NTN1: variants seen among roughly 807,000 people sequenced by gnomAD.
NTN1 encodes the protein netrin 1, also known as netrin-1.
Under a neutral mutation model 54.2 loss-of-function variants are expected in NTN1, and 11 were observed. The observed-to-expected ratio is 0.20, with a 90% confidence interval of 0.13 to 0.34. The LOEUF is 0.34. NTN1 is among the 10% of genes least tolerant of loss of function. The pLI is 1.00. For missense variants in NTN1, 740 were observed against 893.1 expected, an observed-to-expected ratio of 0.83 and a Z score of 2.18; for synonymous variants, 371 against 382.0, an observed-to-expected ratio of 0.97 and a Z score of 0.33.
chr17:9,239,570 C>A lies in NTN1; in HGVS notation c.1487-70C>A. Reference sequence around the variant, plus strand: ...GGGCTGGGTCTCCTTTCCCTTCTCCCCAGGCTCAGGCAGGGCGGACCTAGC... The same window carrying A: ...GGGCTGGGTCTCCTTTCCCTTCTCCACAGGCTCAGGCAGGGCGGACCTAGC... On this transcript the variant is annotated intron_variant, in intron 6 of 6. Coordinates refer to ENST00000173229, the MANE Select transcript of NTN1 (RefSeq NM_004822.3). The surrounding 1 kb of genome is among the most constrained non-coding windows in gnomAD (Gnocchi z 5.2). The A allele has an allele frequency of 6.7e-7, 1 of 1,499,880 alleles. No individual in the cohort carries two copies. The highest frequency in any genetic ancestry group is 1.2e-5 in the South Asian group (1 of 81,748). 92.9% of individuals were successfully genotyped at this position (1,499,880 alleles called of 1,614,324 possible).
At chr17:9,193,354 A>G (rs1486240282) in intron 5 of NTN1, among the ~76,000 whole-genome samples, 2 of 152,214 alleles carry the variant, frequency 1.3e-5, no homozygotes, top group African/African-American at 4.8e-5. Context: ...TTACATTCTC[A>G]TCACCCAGAC....
chr17:9,119,486 CTTATTTAT>C (rs71361861), intron 2 of NTN1, among the ~76,000 whole-genome samples: 9,819 of 149,784 alleles, frequency 0.066, 428 homozygotes, highest in Non-Finnish European at 0.097. Context: ...CCGTGCCTGG[CTTATTTAT>C]TTATTTATTT....
chr17:9,102,043 C>G (rs958208105), intron 2 of NTN1, among the ~76,000 whole-genome samples: 16 of 152,154 alleles, frequency 1.1e-4, no homozygotes, highest in African/African-American at 3.9e-4. Context: ...GTGCTCCACT[C>G]CATTAATCAT....
chr17:9,028,801 C>T (rs951176883), intron 2 of NTN1, among the ~76,000 whole-genome samples: 1 of 152,142 alleles, frequency 6.6e-6, no homozygotes, highest in Non-Finnish European at 1.5e-5. Flanking sequence ...GATTGTTACT[C>T]ATGTTATCTT....
intron 2 of NTN1, among the ~76,000 whole-genome samples, chr17:9,113,890 C>T (rs950184156): frequency 3.3e-5 from 5 of 151,792 alleles, no homozygotes; most frequent in Admixed American, 2.6e-4. Context: ...AGGCCAGGCG[C>T]GGTGGCTCAC....
intron 2 of NTN1, among the ~76,000 whole-genome samples, chr17:9,152,873 G>A (rs897817991): frequency 6.6e-6 from 1 of 152,186 alleles, no homozygotes; most frequent in Non-Finnish European, 1.5e-5. Context: ...CGCGGAGCCG[G>A]AGCTAGAGTC....
intron 6 of NTN1, among the ~76,000 whole-genome samples, chr17:9,228,115 C>T (rs1022178235): frequency 3.9e-5 from 6 of 152,014 alleles, no homozygotes; most frequent in Admixed American, 2.0e-4. Context: ...GAGGGGAGAC[C>T]GACATACAGA....
chr17:9,134,749 ACAGT>A (rs2092275856), intron 2 of NTN1, among the ~76,000 whole-genome samples: 1 of 152,108 alleles, frequency 6.6e-6, no homozygotes, highest in Non-Finnish European at 1.5e-5. Context: ...ACATGCAGAG[ACAGT>A]CAGTGCATCA....
chr17:9,200,358 G>A (rs890571941), intron 5 of NTN1, among the ~76,000 whole-genome samples: 3 of 152,254 alleles, frequency 2.0e-5, no homozygotes, highest in African/African-American at 4.8e-5. Flanking sequence ...TGCAGCGCCC[G>A]AATGGCTTCA....
At chr17:9,091,502 G>A (rs1218124105) in intron 2 of NTN1, among the ~76,000 whole-genome samples, 2 of 146,084 alleles carry the variant, frequency 1.4e-5, no homozygotes, top group East Asian at 4.1e-4. Flanking sequence ...TGCCCAGGCT[G>A]GAGTGCAATG....
At chr17:9,199,179 G>A (rs966956589) in intron 5 of NTN1, among the ~76,000 whole-genome samples, 5 of 152,178 alleles carry the variant, frequency 3.3e-5, no homozygotes, top group Admixed American at 2.6e-4. Flanking sequence ...TTTCGCTCTT[G>A]TTGCCCAGGC....
chr17:9,019,343 T>C (rs2091838560), upstream of NTN1, among the ~76,000 whole-genome samples: 1 of 152,228 alleles, frequency 6.6e-6, no homozygotes, highest in Admixed American at 6.5e-5. Flanking sequence ...ACTGTGTGTT[T>C]TTAATTTGCT....
At chr17:9,238,856 C>T (rs1906085596) in intron 6 of NTN1, among the ~76,000 whole-genome samples, 1 of 152,260 alleles carries the variant, frequency 6.6e-6, no homozygotes, top group Non-Finnish European at 1.5e-5. Context: ...TCTAGGGCCT[C>T]ACCCAGATCT....
intron 2 of NTN1, among the ~76,000 whole-genome samples, chr17:9,106,935 A>G (rs1052175012): frequency 2.0e-5 from 3 of 152,152 alleles, no homozygotes; most frequent in Non-Finnish European, 2.9e-5. Flanking sequence ...CTAAACACTT[A>G]GGTTATTTCC....
chr17:9,132,657 C>T (rs1383908710), intron 2 of NTN1, among the ~76,000 whole-genome samples: 1 of 152,090 alleles, frequency 6.6e-6, no homozygotes, highest in Non-Finnish European at 1.5e-5. Context: ...GGCGGATCAC[C>T]TGAGGTTGGG....
chr17:9,057,990 C>A (rs1048838837), intron 2 of NTN1, among the ~76,000 whole-genome samples: 2 of 152,202 alleles, frequency 1.3e-5, no homozygotes, highest in African/African-American at 4.8e-5. Context: ...TGGATTCTAG[C>A]GATTCTCCTG....
At chr17:9,197,166 G>A (rs935963127) in intron 5 of NTN1, among the ~76,000 whole-genome samples, 7 of 152,020 alleles carry the variant, frequency 4.6e-5, no homozygotes, top group Admixed American at 1.3e-4. Flanking sequence ...TCATCCGATC[G>A]GGCCTGCACA....
chr17:9,179,705 C>T, intron 3 of NTN1, 102 bp from the exon 4 acceptor site: 1 of 1,416,104 alleles, frequency 7.1e-7, no homozygotes, highest in Non-Finnish European at 9.5e-7. Flanking sequence ...GCTCTTCCTC[C>T]AGGGCAGGGT....
chr17:9,034,431 C>G (rs199630272), intron 2 of NTN1, among the ~76,000 whole-genome samples: 1 of 145,464 alleles, frequency 6.9e-6, no homozygotes, highest in Admixed American at 6.9e-5. Flanking sequence ...TTTTCTTTTT[C>G]TTTTTTTTTA....
Sources: allele counts gnomAD v4.1 joint callset (sites outside exome capture counted in the v4.1 genomes callset), GRCh38; gene constraint gnomAD v4.1.1; non-coding constraint Gnocchi (gnomAD v3.1); transcripts MANE v1.5; gene names NCBI Gene and HGNC (gene_info 2026-07-23, HGNC 2026-07-21).